The following ARID5B variants were observed in gnomAD, a reference collection of about 807,000 sequenced individuals.
The protein encoded by ARID5B is AT-rich interactive domain-containing protein 5B.
ARID5B carries 13 observed loss-of-function variants against 97.2 expected under a neutral mutation model. The ratio of observed to expected loss-of-function variants is 0.13; its 90% CI spans 0.09 to 0.21. The LOEUF (loss-of-function observed/expected upper bound fraction) is 0.21. Among genes scored for constraint, ARID5B ranks in the 10% least tolerant of loss-of-function variants. The pLI is 1.00. For synonymous variants in ARID5B, 556 were observed against 570.3 expected (o/e 0.97, Z 0.36); for missense variants, 1,210 against 1,465.3 (o/e 0.83, Z 2.84).
intron 3 of ARID5B, among the ~76,000 whole-genome samples, chr10:61,963,158 TAAAGA>T (rs773503314): frequency 2.0e-5 from 3 of 152,196 alleles, no homozygotes; most frequent in Non-Finnish European, 2.9e-5. Flanking sequence ...AAAATATTCT[TAAAGA>T]AAAATAAGAT....
intron 8 of ARID5B, 27 bp from the exon 9 acceptor site, chr10:62,085,675 C>G: frequency 2.5e-6 from 4 of 1,570,086 alleles, no homozygotes; most frequent in Non-Finnish European, 3.5e-6. Flanking sequence ...CTCAACTGAC[C>G]GATCATCTCT....
intron 4 of ARID5B, among the ~76,000 whole-genome samples, chr10:62,010,767 C>A (rs1000826928): frequency 2.0e-5 from 3 of 152,198 alleles, no homozygotes; most frequent in African/African-American, 7.2e-5. Flanking sequence ...AATCAAGGAG[C>A]GTACTTAAGT....
chr10:62,024,517 A>T (rs1211701485), intron 4 of ARID5B, among the ~76,000 whole-genome samples: 2 of 152,244 alleles, frequency 1.3e-5, no homozygotes, highest in African/African-American at 4.8e-5. Flanking sequence ...TCATCAAAGG[A>T]TCATACCTCG....
chr10:61,963,297 T>G (rs1838498187), intron 3 of ARID5B, among the ~76,000 whole-genome samples: 1 of 152,198 alleles, frequency 6.6e-6, no homozygotes, highest in Non-Finnish European at 1.5e-5. Context: ...TAACCCCAGT[T>G]TGCCTGGTTT....
In ARID5B at chr10:62,057,281, G is replaced by A. The variant is rs766671826; in HGVS notation, c.1011G>A (p.Thr337=). The change falls in exon 6 of 10, where the codon ACG becomes ACA. Residue 337 remains threonine (T), a synonymous_variant. Coordinates refer to ENST00000279873, the MANE Select transcript of ARID5B (RefSeq NM_032199.3). ...ATAAATACATGAAAGAAAGGAAAAC[G>A]CCGATAGAACGAATACCCTATTTAG... ...ALYKYMKERK[T]PIERIPYLGF... The A allele has an allele frequency of 2.9e-5, 47 of 1,613,646 alleles. No individual in the cohort carries two copies. Among genetic ancestry groups the A allele is most frequent in the Middle Eastern group, 3.3e-4 (2 of 6,078 alleles).
intron 8 of ARID5B, among the ~76,000 whole-genome samples, chr10:62,077,487 T>A (rs921288982): frequency 6.6e-6 from 1 of 152,114 alleles, no homozygotes; most frequent in Non-Finnish European, 1.5e-5. Flanking sequence ...CAAGTGTGTA[T>A]GTCATGCTGT....
At chr10:61,916,679 G>C (rs1348070996) in intron 2 of ARID5B, among the ~76,000 whole-genome samples, 1 of 152,152 alleles carries the variant, frequency 6.6e-6, no homozygotes, top group African/African-American at 2.4e-5. Context: ...ATTCCAAAAT[G>C]CAGGTGACAG....
intron 5 of ARID5B, among the ~76,000 whole-genome samples, chr10:62,055,430 A>G (rs1839843025): frequency 6.6e-6 from 1 of 152,192 alleles, no homozygotes; most frequent in African/African-American, 2.4e-5. Flanking sequence ...CAGCGTTGAG[A>G]ATGGAGCCTG....
chr10:61,930,589 G>A (rs193011956), intron 2 of ARID5B, among the ~76,000 whole-genome samples: 5 of 151,968 alleles, frequency 3.3e-5, no homozygotes, highest in East Asian at 3.9e-4. Flanking sequence ...GTGTGATGGC[G>A]GGCACCTGTA....
At chr10:61,992,848 C>G (rs1024325521) in intron 3 of ARID5B, among the ~76,000 whole-genome samples, 3 of 152,018 alleles carry the variant, frequency 2.0e-5, no homozygotes, top group Non-Finnish European at 2.9e-5. Context: ...CTTACTGTGT[C>G]GAGAATTACA....
chr10:62,077,724 GCCCTTT>G (rs1253439778), intron 8 of ARID5B, among the ~76,000 whole-genome samples: 3 of 152,246 alleles, frequency 2.0e-5, no homozygotes, highest in East Asian at 1.9e-4. Flanking sequence ...AGGTGTCTTA[GCCCTTT>G]TCTTTTTGAT....
chr10:62,075,164 C>T (rs74156104), intron 8 of ARID5B, among the ~76,000 whole-genome samples: 12 of 152,182 alleles, frequency 7.9e-5, no homozygotes, highest in African/African-American at 1.9e-4. Context: ...GAAACTGGCA[C>T]GCACAGCCCG....
intron 4 of ARID5B, among the ~76,000 whole-genome samples, chr10:62,042,808 G>T (rs571524569): frequency 6.6e-6 from 1 of 151,930 alleles, no homozygotes; most frequent in East Asian, 1.9e-4. Flanking sequence ...CCAGCTACTC[G>T]GGAGGCCGAG....
At chr10:61,933,030 CA>C (rs549967615) in intron 2 of ARID5B, among the ~76,000 whole-genome samples, 36 of 152,164 alleles carry the variant, frequency 2.4e-4, no homozygotes, top group Non-Finnish European at 4.6e-4. Context: ...CATATGGTGC[CA>C]ATGCACTCCA....
rs189052272 is a variant in ARID5B, at chr10:61,989,219, G to A, written c.503-10872G>A. 1.0e-3 allele frequency among the ~76,000 whole-genome samples: 154 copies of A among 152,188 alleles called. 1 individual carries two copies. The highest frequency in any genetic ancestry group is 3.5e-3 in the African/African-American group (146 of 41,546). ...GCTGGGATTACAGGCGTGAGCCACC[G>A]TGTGCGGCCAGTAATCACTTCTATT... On this transcript the variant is annotated intron_variant, in intron 3 of 9. Coordinates refer to ENST00000279873, the MANE Select transcript of ARID5B (RefSeq NM_032199.3).
At chr10:62,040,892 G>A (rs2132917461) in intron 4 of ARID5B, among the ~76,000 whole-genome samples, 1 of 152,236 alleles carries the variant, frequency 6.6e-6, no homozygotes, top group Non-Finnish European at 1.5e-5. Flanking sequence ...ATTCTAAATA[G>A]TCATAGAAAT....
At chr10:62,045,478 G>A (rs963824693) in intron 4 of ARID5B, among the ~76,000 whole-genome samples, 1 of 144,374 alleles carries the variant, frequency 6.9e-6, no homozygotes, top group African/African-American at 2.6e-5. Context: ...ACGAAGTCTT[G>A]CTCTGTTGCC....
At chr10:61,973,756 T>C (rs2132837257) in intron 3 of ARID5B, among the ~76,000 whole-genome samples, 1 of 152,324 alleles carries the variant, frequency 6.6e-6, no homozygotes, top group African/African-American at 2.4e-5. Context: ...GAAAATAAAA[T>C]GAGATATTCA....
chr10:62,012,648 G>A (rs182369218), intron 4 of ARID5B, among the ~76,000 whole-genome samples: 2 of 152,294 alleles, frequency 1.3e-5, no homozygotes, highest in Admixed American at 1.3e-4. Context: ...TATCTACTCT[G>A]TTGCCTCCCT....
Sources: allele counts gnomAD v4.1 joint callset (sites outside exome capture counted in the v4.1 genomes callset), GRCh38; gene constraint gnomAD v4.1.1; transcripts MANE v1.5; gene names NCBI Gene and HGNC (gene_info 2026-07-23, HGNC 2026-07-21).